FAS: variants seen among roughly 807,000 people sequenced by gnomAD.
FAS encodes the protein tumor necrosis factor receptor superfamily member 6.
In FAS, 5 loss-of-function variants were observed where a neutral mutation model predicts 33.2. That is an observed-to-expected ratio of 0.15 (90% CI 0.08 to 0.32). The LOEUF (loss-of-function observed/expected upper bound fraction) is 0.32. Ranked by LOEUF, FAS falls within the 10% of genes least tolerant of loss-of-function variation. The pLI is 1.00. For synonymous variants in FAS, 131 were observed against 130.7 expected (o/e 1.00, Z -0.01); for missense variants, 339 against 386.0 (o/e 0.88, Z 1.02).
intron 4 of FAS, 112 bp from the exon 5 acceptor site, chr10:89,010,427 G>A: frequency 1.2e-6 from 1 of 812,124 alleles, no homozygotes; most frequent in Non-Finnish European, 2.1e-6. Context: ...GAATACGTTT[G>A]CCAGAGATGC....
intron 4 of FAS, among the ~76,000 whole-genome samples, chr10:89,009,207 C>T (rs532479619): frequency 1.3e-5 from 2 of 152,264 alleles, no homozygotes; most frequent in African/African-American, 4.8e-5. Context: ...AGATATGAGC[C>T]AGACATATGC....
chr10:88,970,143 T>A lies in FAS; in HGVS notation n.95-3039T>A, dbSNP rs577927010. 3.9e-5 allele frequency among the ~76,000 whole-genome samples: 6 copies of A among 152,304 alleles called. No homozygotes were observed. In the South Asian group the frequency reaches 1.2e-3, roughly 32 times the overall value. ...CTTAATGTTAAAATTCAGGATATGA[T>A]ACCTAAAGAAAGGTTTTACTGTACT... is the stretch of plus-strand genomic sequence containing the variant. On this transcript the variant is annotated intron_variant and non_coding_transcript_variant, in intron 1 of 3. Coordinates refer to the FAS transcript ENST00000688239.
chr10:89,008,838 T>C (rs752822738), intron 3 of FAS, 51 bp from the exon 4 acceptor site: 2 of 1,548,806 alleles, frequency 1.3e-6, no homozygotes, highest in African/African-American at 2.7e-5. Context: ...ATTTTCATAG[T>C]CTGCTTATAA....
rs1020261371 is a variant in FAS at position 89,014,706 on chromosome 10, A to T, written c.*256A>T. The T allele has an allele frequency of 7.9e-6, 5 of 634,998 alleles. No homozygotes were observed. The African/African-American group carries it at 8.9e-5, about 11-fold the overall frequency. The allele number at this position is 634,998 out of a possible 1,614,324, so 39.3% of individuals were successfully genotyped here. On this transcript the variant is annotated 3_prime_UTR_variant, in exon 9 of 9. Coordinates refer to ENST00000652046, the MANE Select transcript of FAS (RefSeq NM_000043.6). ...TAAGTACCCAAATAGGAGTGTATGC[A>T]GAGGATGAAAGATTAAGATTATGCT...
chr10:88,988,496 T>C (rs1846988012), upstream of FAS, among the ~76,000 whole-genome samples: 1 of 149,980 alleles, frequency 6.7e-6, no homozygotes, highest in Non-Finnish European at 1.5e-5. Context: ...TTAAGTGTTA[T>C]TCAGAATGTT....
At position 89,014,569 on chromosome 10, in the gene FAS, C is replaced by T. The variant is rs1848699181; in HGVS notation, c.*119C>T. The T allele has an allele frequency of 5.4e-6, 5 of 922,314 alleles. No individual in the cohort carries two copies. Among genetic ancestry groups the T allele is most frequent in the Middle Eastern group, 3.0e-4 (1 of 3,284 alleles). The allele number at this position is 922,314 out of a possible 1,614,324, so 57.1% of individuals were successfully genotyped here. ...GGGTACATTTTATCATTTATTAGCGCTGAAGAGCCAACATATTTGTAGATT... is the reference window on the plus strand; with the variant it reads ...GGGTACATTTTATCATTTATTAGCGTTGAAGAGCCAACATATTTGTAGATT... On this transcript the variant is annotated 3_prime_UTR_variant, in exon 9 of 9. Coordinates refer to ENST00000652046, the MANE Select transcript of FAS (RefSeq NM_000043.6).
chr10:89,010,581 C>T lies in FAS; in HGVS notation c.486C>T (p.Asn162=), dbSNP rs1025915995. Residue 162 remains asparagine (N), a synonymous_variant, in exon 5 of 9, where the codon AAC becomes AAT. Transcript: ENST00000652046. ...GIIKECTLTS[N]TKCKEEGSRS... ...TCAAGGAATGCACACTCACCAGCAACACCAAGTGCAAAGAGGAAGGTAATT... is the reference window on the plus strand; with the variant it reads ...TCAAGGAATGCACACTCACCAGCAATACCAAGTGCAAAGAGGAAGGTAATT... 6.2e-7 allele frequency: 1 copy of T among 1,613,858 alleles called. No individual in the cohort carries two copies.
At chr10:88,972,643 T>C (rs903502848) in intron 1 of FAS, among the ~76,000 whole-genome samples, 3 of 152,196 alleles carry the variant, frequency 2.0e-5, no homozygotes, top group Non-Finnish European at 4.4e-5. Flanking sequence ...GGGATTACAA[T>C]ATACATCCTT....
chr10:88,986,327 T>A (rs981331350), upstream of FAS, among the ~76,000 whole-genome samples: 1 of 152,148 alleles, frequency 6.6e-6, no homozygotes, highest in African/African-American at 2.4e-5. Flanking sequence ...GACCACCATA[T>A]GCAAAAATGT....
chr10:88,969,127 T>TATAA (rs1159159329), intron 1 of FAS, among the ~76,000 whole-genome samples: 1 of 152,168 alleles, frequency 6.6e-6, no homozygotes, highest in African/African-American at 2.4e-5. Context: ...GACAAACACT[T>TATAA]TTATAAGTAG....
chr10:89,012,096 A>G lies in FAS; in HGVS notation c.651+15A>G. On this transcript the variant is annotated intron_variant, in intron 7 of 8. Transcript: ENST00000652046. Reference sequence around the variant, plus strand: ...CTTTAAATCCTGTAGGTATTGAAATAGGTATCAGCTTTCCTTGAAAAGAAA... The same window carrying G: ...CTTTAAATCCTGTAGGTATTGAAATGGGTATCAGCTTTCCTTGAAAAGAAA... 2 of 1,594,320 alleles carry G rather than the reference A, an allele frequency of 1.3e-6. No individual in the cohort carries two copies. Among genetic ancestry groups the G allele is most frequent in the South Asian group, 2.2e-5 (2 of 90,604 alleles).
At chr10:88,984,511 T>C (rs533954315), upstream of FAS, among the ~76,000 whole-genome samples, 1 of 152,368 alleles carries the variant, frequency 6.6e-6, no homozygotes, top group Non-Finnish European at 1.5e-5. Flanking sequence ...GCATTTAAGT[T>C]CTAAGTATTA....
intron 1 of FAS, among the ~76,000 whole-genome samples, chr10:88,965,575 C>T (rs991563469): frequency 2.6e-5 from 4 of 152,114 alleles, no homozygotes; most frequent in African/African-American, 4.8e-5. Flanking sequence ...ATTAGGTATA[C>T]CAACATATCG....
At chr10:88,993,297 T>G (rs1397347523) in intron 1 of FAS, among the ~76,000 whole-genome samples, 4 of 126,006 alleles carry the variant, frequency 3.2e-5, no homozygotes, top group African/African-American at 1.1e-4. Flanking sequence ...GAAATAGCTG[T>G]GGGTTGCATT....
intron 1 of FAS, chr10:89,002,716 T>C (rs1847998269): frequency 2.7e-6 from 1 of 376,416 alleles, no homozygotes; most frequent in Admixed American, 3.8e-5. Flanking sequence ...ATAAAGAAAC[T>C]GAGACTTGGA....
At chr10:88,979,305 C>T (rs75384604) in intron 2 of FAS, among the ~76,000 whole-genome samples, 3 of 151,968 alleles carry the variant, frequency 2.0e-5, no homozygotes, top group East Asian at 1.9e-4. Context: ...CCGGCTCTGC[C>T]GCAGGGTGCC....
At chr10:88,964,134 A>G (rs1327381582) in intron 1 of FAS, among the ~76,000 whole-genome samples, 1 of 152,054 alleles carries the variant, frequency 6.6e-6, no homozygotes, top group Non-Finnish European at 1.5e-5. Flanking sequence ...TTAGTTTAAT[A>G]TATTTTAGTT....
intron 1 of FAS, among the ~76,000 whole-genome samples, chr10:89,000,012 G>A (rs1259438564): frequency 6.6e-6 from 1 of 152,126 alleles, no homozygotes; most frequent in African/African-American, 2.4e-5. Context: ...ATATTTTTGT[G>A]TCCAGTAATT....
At chr10:89,001,199 G>C (rs1028545333) in intron 1 of FAS, among the ~76,000 whole-genome samples, 1 of 151,116 alleles carries the variant, frequency 6.6e-6, no homozygotes, top group Non-Finnish European at 1.5e-5. Context: ...CTCACTGACT[G>C]TTCCAGGCAT....
Sources: allele counts gnomAD v4.1 joint callset (sites outside exome capture counted in the v4.1 genomes callset), GRCh38; gene constraint gnomAD v4.1.1; transcripts MANE v1.5; gene names NCBI Gene and HGNC (gene_info 2026-07-23, HGNC 2026-07-21).